ITPR1: variants seen among roughly 807,000 people sequenced by gnomAD.
ITPR1 encodes the protein inositol 1,4,5-trisphosphate receptor type 1.
In ITPR1, 96 loss-of-function variants were observed where a neutral mutation model predicts 318.4. That is an observed-to-expected ratio of 0.30 (90% CI 0.26 to 0.36). The LOEUF (loss-of-function observed/expected upper bound fraction) is 0.36, where lower values mean the gene tolerates loss of function less well. Ranked by LOEUF, ITPR1 falls within the 10% of genes least tolerant of loss-of-function variation. ITPR1 has a pLI of 1.00. For missense variants in ITPR1, 2,440 were observed against 3,460.2 expected, an observed-to-expected ratio of 0.71 and a Z score of 7.40; for synonymous variants, 1,312 against 1,289.9, an observed-to-expected ratio of 1.02 and a Z score of -0.37.
intron 60 of ITPR1, among the ~76,000 whole-genome samples, chr3:4,828,267 AAGAAT>A (rs2050210685): frequency 6.6e-6 from 1 of 152,246 alleles, no homozygotes; most frequent in Non-Finnish European, 1.5e-5. Context: ...GAATCCAGAA[AAGAAT>A]AGAAGAAAAC....
At chr3:4,603,578 C>T (rs546350865) in intron 4 of ITPR1, among the ~76,000 whole-genome samples, 30 of 152,162 alleles carry the variant, frequency 2.0e-4, no homozygotes, top group East Asian at 5.8e-4. Context: ...TACAGGGGCG[C>T]GCCACCACAC....
chr3:4,837,301 TCTTGTTTTGCTTC>T (rs1316115463), intron 61 of ITPR1, among the ~76,000 whole-genome samples: 2 of 152,156 alleles, frequency 1.3e-5, no homozygotes, highest in Non-Finnish European at 2.9e-5. Context: ...AAAAGCTGTT[TCTTGTTTTGCTTC>T]CTAGCCCTCA....
chr3:4,759,404 G>A (rs1364772173), intron 44 of ITPR1, among the ~76,000 whole-genome samples: 2 of 152,342 alleles, frequency 1.3e-5, no homozygotes, highest in East Asian at 3.9e-4. Context: ...ATTATCAGAA[G>A]GTAAGAATGT....
At chr3:4,546,296 G>C (rs1412305046) in intron 4 of ITPR1, among the ~76,000 whole-genome samples, 1 of 152,164 alleles carries the variant, frequency 6.6e-6, no homozygotes, top group African/African-American at 2.4e-5. Flanking sequence ...TGGTGCATTA[G>C]AGGGTGTGAG....
At position 4,847,341 on chromosome 3, in the gene ITPR1, A is replaced by G. The variant is rs899116129; in HGVS notation, c.*1116A>G. On this transcript the variant is annotated 3_prime_UTR_variant, in exon 62 of 62. Coordinates refer to ENST00000649015, the MANE Select transcript of ITPR1 (RefSeq NM_001378452.1). ...ATGAAAAATATGAAAGGAAACTTTT[A>G]TATCTGTTGCCTAGTTTTGTACATG... 4 of 150,324 alleles carry G rather than the reference A, an allele frequency of 2.7e-5. No homozygotes were observed. The East Asian group carries it at 6.0e-4, about 23-fold the overall frequency. 9.3% of individuals were successfully genotyped at this position (150,324 alleles called of 1,614,324 possible).
chr3:4,634,259 G>A (rs1315125137), intron 5 of ITPR1, among the ~76,000 whole-genome samples: 1 of 151,412 alleles, frequency 6.6e-6, no homozygotes, highest in Admixed American at 6.6e-5. Flanking sequence ...TATCACCCAC[G>A]CTGGTGTGCA....
chr3:4,775,331 T>C lies in ITPR1; in HGVS notation c.6069T>C (p.Thr2023=), dbSNP rs374602663. Reference sequence around the variant, plus strand: ...TGGACTGTATTTGTGGAAGCACAACTGGAGGCCTTGGTCTTCTGGGCTTGT... The same window carrying C: ...TGGACTGTATTTGTGGAAGCACAACCGGAGGCCTTGGTCTTCTGGGCTTGT... The part of the protein sequence containing the change: ...QFLDCICGST[T]GGLGLLGLYI... Residue 2023 remains threonine (T), a synonymous_variant, in exon 47 of 62, where the codon ACT becomes ACC. Transcript: ENST00000649015. 23 of 1,613,194 alleles carry C rather than the reference T, an allele frequency of 1.4e-5. No homozygotes were observed. Among genetic ancestry groups the C allele is most frequent in the Non-Finnish European group, 1.4e-5 (17 of 1,179,214 alleles).
At position 4,768,709 on chromosome 3, in the gene ITPR1, A is replaced by G; in HGVS notation, c.5924A>G (p.Gln1975Arg). 1.2e-6 allele frequency: 2 copies of G among 1,613,678 alleles called. No homozygotes were observed. Among genetic ancestry groups the G allele is most frequent in the South Asian group, 1.1e-5 (1 of 91,062 alleles). Residue 1975 changes from glutamine to arginine, a missense_variant, in exon 46 of 62, where the codon CAG becomes CGG. By Grantham distance (43) the Gln-to-Arg change is conservative. This residue lies in a region of ITPR1 where 113 missense variants were observed against 103.6 expected (regional missense o/e 1.09). Coordinates refer to ENST00000649015, the MANE Select transcript of ITPR1 (RefSeq NM_001378452.1). The part of the protein sequence containing the change: ...LEMSAVITIM[Q>R]PILRFLQLLC... ...ATGAGCGCGGTCATCACCATCATGC[A>G]GCCCATCCTCCGCTTCCTTCAGCTC...
chr3:4,689,568 T>C (rs2094449053), intron 31 of ITPR1, among the ~76,000 whole-genome samples: 1 of 152,210 alleles, frequency 6.6e-6, no homozygotes. Flanking sequence ...TGTGAAACCC[T>C]TGTGCTCCCA....
At chr3:4,494,264 A>G (rs541824017) in intron 1 of ITPR1, among the ~76,000 whole-genome samples, 167 bp from the exon 2 acceptor site, 2 of 152,270 alleles carry the variant, frequency 1.3e-5, no homozygotes, top group Admixed American at 1.3e-4. Flanking sequence ...GTTACCTGGA[A>G]TCTTCGCCCA....
chr3:4,782,029 T>C (rs2125397043), intron 49 of ITPR1, among the ~76,000 whole-genome samples: 1 of 152,302 alleles, frequency 6.6e-6, no homozygotes, highest in East Asian at 1.9e-4. Flanking sequence ...TTTGTGAGCA[T>C]TAAATTTTTT....
intron 60 of ITPR1, 106 bp downstream of exon 60, chr3:4,818,348 C>A: frequency 1.1e-6 from 1 of 879,644 alleles, no homozygotes; most frequent in Non-Finnish European, 1.7e-6. Flanking sequence ...GAATAACATC[C>A]GATGTTGCCT....
At chr3:4,722,045 G>T (rs987092967) in intron 40 of ITPR1, among the ~76,000 whole-genome samples, 2 of 152,172 alleles carry the variant, frequency 1.3e-5, no homozygotes, top group Admixed American at 6.5e-5. Flanking sequence ...CATATATTCA[G>T]TTACTACCCA....
At chr3:4,825,726 G>A (rs776717428) in intron 60 of ITPR1, 1 of 456,626 alleles carries the variant, frequency 2.2e-6, no homozygotes, top group South Asian at 1.5e-5. Context: ...GTTTAAAAGG[G>A]GAACTGGCTG....
At chr3:4,593,229 T>C (rs943129885) in intron 4 of ITPR1, among the ~76,000 whole-genome samples, 1 of 152,240 alleles carries the variant, frequency 6.6e-6, no homozygotes, top group Non-Finnish European at 1.5e-5. Flanking sequence ...TTGTTGGTAC[T>C]TTACCTGTTG....
Position 4,633,931 on chromosome 3 carries a change from T to A in ITPR1, c.280-5453T>A, listed in dbSNP as rs551765080. On this transcript the variant is annotated intron_variant, in intron 5 of 61. Transcript: ENST00000649015. The stretch of plus-strand genomic sequence containing the variant: ...ATTACATGATTCAGAGCTTGTTGAC[T>A]TTAACAAAATAACCTTTCCTTACTG... 3.3e-5 allele frequency among the ~76,000 whole-genome samples: 5 copies of A among 152,350 alleles called. No homozygotes were observed. The South Asian group carries it at 1.0e-3, about 32-fold the overall frequency.
chr3:4,652,282 C>A, intron 11 of ITPR1, 64 bp downstream of exon 11: 2 of 1,128,964 alleles, frequency 1.8e-6, no homozygotes, highest in East Asian at 2.5e-5. Flanking sequence ...TTTCCTCATT[C>A]GCCTGTAGCC....
At chr3:4,522,018 G>C (rs185557533) in intron 4 of ITPR1, among the ~76,000 whole-genome samples, 1 of 152,254 alleles carries the variant, frequency 6.6e-6, no homozygotes. Context: ...AATACACTTG[G>C]TATCTTAGAT....
chr3:4,611,641 A>C (rs1464691730), intron 4 of ITPR1, among the ~76,000 whole-genome samples: 2 of 151,928 alleles, frequency 1.3e-5, no homozygotes, highest in African/African-American at 4.8e-5. Context: ...GGTACTCGGG[A>C]GGCTGAGGTG....
Sources: gnomAD v4.1 joint callset for allele counts (sites outside exome capture counted in the v4.1 genomes callset) on GRCh38, gnomAD v4.1.1 for gene constraint, gnomAD v4.1.1 regional missense constraint, MANE v1.5 for transcripts, NCBI Gene and HGNC (gene_info 2026-07-23, HGNC 2026-07-21) for gene names.